The following SPATA7 variants were observed in gnomAD, a reference collection of about 807,000 sequenced individuals.
SPATA7 encodes spermatogenesis associated 7.
A neutral mutation model predicts 51.8 loss-of-function variants in SPATA7; 43 were observed. The ratio of observed to expected loss-of-function variants is 0.83; its 90% CI spans 0.65 to 1.07. SPATA7 has a LOEUF of 1.07. SPATA7 is among the 50% of genes least tolerant of loss of function. The pLI, the probability that SPATA7 is intolerant of heterozygous loss-of-function variation, is 0.00. For synonymous variants in SPATA7, 230 were observed against 252.8 expected (o/e 0.91, Z 0.86); for missense variants, 683 against 701.3 (o/e 0.97, Z 0.30).
At chr14:88,427,444 G>A (rs2076826621) in intron 6 of SPATA7, among the ~76,000 whole-genome samples, 186 bp from the exon 7 acceptor site, 1 of 152,040 alleles carries the variant, frequency 6.6e-6, no homozygotes, top group Non-Finnish European at 1.5e-5. Context: ...ATATAGATAA[G>A]TACAGTGATA....
chr14:88,468,964 G>A lies in SPATA7; in HGVS notation c.255-883G>A, dbSNP rs75392975. ...TCATGATCTCCGACAAAATCACCAC[G>A]CCAGTCCTTCCTACCCCAGCACTGC... On this transcript the variant is annotated intron_variant, in intron 4 of 4. Coordinates refer to the SPATA7 transcript ENST00000556406. 8.9e-5 allele frequency: 144 copies of A among 1,614,106 alleles called. No individual in the cohort carries two copies. In the African/African-American group the frequency reaches 1.1e-3, roughly 12 times the overall value.
intron 8 of SPATA7, 64 bp from the exon 9 acceptor site, chr14:88,431,108 T>C: frequency 4.5e-6 from 6 of 1,345,434 alleles, no homozygotes; most frequent in Non-Finnish European, 4.3e-6. Context: ...ATATACAATG[T>C]TATTGAGTAC....
intron 5 of SPATA7, among the ~76,000 whole-genome samples, chr14:88,424,545 C>T (rs1036254302): frequency 6.6e-6 from 1 of 152,146 alleles, no homozygotes; most frequent in African/African-American, 2.4e-5. Flanking sequence ...GCATTTCTTT[C>T]TCCTTCCTCT....
intron 4 of SPATA7, 107 bp downstream of exon 4, chr14:88,396,310 A>G (rs1483359545): frequency 1.3e-6 from 1 of 762,194 alleles, no homozygotes; most frequent in Non-Finnish European, 2.3e-6. Flanking sequence ...GTTCAATATT[A>G]AGTACATTAA....
In SPATA7 at chr14:88,402,094, A is replaced by T. The variant is rs186254214; in HGVS notation, c.238+5891A>T. ...TGCTTAGGAATAACCTTAAACAAAA[A>T]GGTTGAAAACTTGTACACTGAAAAC... On this transcript the variant is annotated intron_variant, in intron 4 of 11. Transcript: ENST00000393545. Among the ~76,000 whole-genome samples, 64 of 152,270 alleles carry T rather than the reference A, an allele frequency of 4.2e-4. 1 individual carries two copies. The highest frequency in any genetic ancestry group is 1.2e-3 in the African/African-American group (51 of 41,588).
At position 88,437,859 on chromosome 14, in the gene SPATA7, C is replaced by T. The variant is rs1418069586; in HGVS notation, c.1237C>T (p.His413Tyr). 1 of 1,597,002 alleles carries T rather than the reference C, an allele frequency of 6.3e-7. No homozygotes were observed. Among genetic ancestry groups the T allele is most frequent in the African/African-American group, 1.4e-5 (1 of 73,900 alleles). Residue 413 changes from histidine (H) to tyrosine (Y), a missense_variant, in exon 12 of 12, where the codon CAT becomes TAT. Physicochemically the swap from His to Tyr is moderately conservative, Grantham distance 83. Transcript: ENST00000393545. ...LEEEKMRHLL[H>Y]VLKVDLGCTS... ...CTAGGAAAAAATGCGCCACCTGCTG[C>T]ATGTCCTGAAAGTAGACTTAGGCTG...
At chr14:88,440,552 T>C (rs1269226630), downstream of SPATA7, among the ~76,000 whole-genome samples, 1 of 152,152 alleles carries the variant, frequency 6.6e-6, no homozygotes, top group African/African-American at 2.4e-5. Flanking sequence ...TAAGACATCT[T>C]GTTACAGCAT....
At chr14:88,455,563 C>A (rs2077278632), downstream of SPATA7, among the ~76,000 whole-genome samples, 1 of 152,056 alleles carries the variant, frequency 6.6e-6, no homozygotes, top group Non-Finnish European at 1.5e-5. Context: ...AGCCTTTTTG[C>A]CCATTAAATA....
chr14:88,437,160 G>A (rs556343263), intron 10 of SPATA7, among the ~76,000 whole-genome samples: 3 of 151,278 alleles, frequency 2.0e-5, no homozygotes, highest in Non-Finnish European at 4.4e-5. Flanking sequence ...ATTTAGGAAG[G>A]ATTATAAAAT....
At chr14:88,388,441 G>A (rs1037697100) in intron 1 of SPATA7, among the ~76,000 whole-genome samples, 1 of 152,220 alleles carries the variant, frequency 6.6e-6, no homozygotes, top group African/African-American at 2.4e-5. Flanking sequence ...AATAGTTAGA[G>A]AATGATGTTC....
At chr14:88,468,902 A>G in intron 4 of SPATA7, 1 of 1,613,970 alleles carries the variant, frequency 6.2e-7, no homozygotes, top group Non-Finnish European at 8.5e-7. Context: ...CCAGGTGATC[A>G]TAAGCGCCAT....
chr14:88,469,195 C>T lies in SPATA7; in HGVS notation c.255-652C>T, dbSNP rs974949773. 23 of 1,169,148 alleles carry T rather than the reference C, an allele frequency of 2.0e-5. No homozygotes were observed. In the African/African-American group the frequency reaches 2.6e-4, roughly 13 times the overall value. The allele number at this position is 1,169,148 out of a possible 1,614,324, so 72.4% of individuals were successfully genotyped here. A position where few individuals can be genotyped will look rare whatever the true frequency, so the allele number is the denominator to read the frequency against. On this transcript the variant is annotated intron_variant, in intron 4 of 4. Coordinates refer to the SPATA7 transcript ENST00000556406. This position sits in a 1 kb window ranked among gnomAD's most constrained non-coding sequence, Gnocchi z 4.3. ...ACTGCAGATAAAGAGCACTGGGTGC[C>T]AGTGAACCAAACCCAACCACAAAGG...
chr14:88,401,836 CAAAAAAAAAAA>C (rs57942112), intron 4 of SPATA7, among the ~76,000 whole-genome samples: 5 of 33,220 alleles, frequency 1.5e-4, no homozygotes, highest in African/African-American at 5.4e-4. Context: ...GACCCTGTCT[CAAAAAAAAAAA>C]AAAAAAAAAA....
At chr14:88,464,895 C>G (rs1360692257) in intron 4 of SPATA7, among the ~76,000 whole-genome samples, 1 of 152,096 alleles carries the variant, frequency 6.6e-6, no homozygotes, top group African/African-American at 2.4e-5. Flanking sequence ...CATTTAACAT[C>G]TCAACCCTTC....
intron 3 of SPATA7, among the ~76,000 whole-genome samples, chr14:88,446,319 C>T (rs907527766): frequency 6.6e-6 from 1 of 151,976 alleles, no homozygotes; most frequent in African/African-American, 2.4e-5. Flanking sequence ...TCTGTGGGAT[C>T]GGTGGTGATA....
In SPATA7 at chr14:88,416,735, AACTC is replaced by A. The variant is rs777346333; in HGVS notation, c.265_268del (p.Leu89LysfsTer4). On this transcript the variant is annotated frameshift_variant, in exon 5 of 12. Transcript: ENST00000393545. LOFTEE classifies it high-confidence loss of function. ...GATGCAGACCAACAACGAAGAGAGA[AACTC>A]AAAAAGGAATTAGCACAATGTGAAA... The A allele has an allele frequency of 3.7e-6, 6 of 1,613,348 alleles. No individual in the cohort carries two copies. The African/African-American group carries it at 8.0e-5, about 22-fold the overall frequency.
In SPATA7 at chr14:88,385,804, G is replaced by A. The variant is rs370773532; in HGVS notation, c.-15G>A. 2 of 1,605,436 alleles carry A rather than the reference G, an allele frequency of 1.2e-6. No homozygotes were observed. The highest frequency in any genetic ancestry group is 1.3e-5 in the African/African-American group (1 of 75,010). ...GATACAGCGTGTCCCTGCGGCGGCT[G>A]CAAGAGGACTAAGCATGGATGGCAG... On this transcript the variant is annotated 5_prime_UTR_variant, in exon 1 of 12. Coordinates refer to ENST00000393545, the MANE Select transcript of SPATA7 (RefSeq NM_018418.5).
intron 3 of SPATA7, among the ~76,000 whole-genome samples, chr14:88,453,510 T>G (rs1415792511): frequency 6.6e-6 from 1 of 152,180 alleles, no homozygotes. Flanking sequence ...AGCTGTATGG[T>G]CACCAGTGAA....
intron 4 of SPATA7, among the ~76,000 whole-genome samples, chr14:88,464,599 G>A (rs765299432): frequency 3.3e-5 from 5 of 152,122 alleles, no homozygotes; most frequent in South Asian, 2.1e-4. Context: ...GCGTAATGGC[G>A]CACATCTGTA....
Sources: gnomAD v4.1 joint callset for allele counts (sites outside exome capture counted in the v4.1 genomes callset) on GRCh38, gnomAD v4.1.1 for gene constraint, Gnocchi (gnomAD v3.1) non-coding constraint, MANE v1.5 for transcripts, NCBI Gene and HGNC (gene_info 2026-07-23, HGNC 2026-07-21) for gene names.